The following FOXK1 variants were observed in gnomAD, a reference collection of about 807,000 sequenced individuals.
FOXK1 encodes forkhead box protein K1.
Under a neutral mutation model 51.9 loss-of-function variants are expected in FOXK1, and 19 were observed. That is an observed-to-expected ratio of 0.37 (90% CI 0.26 to 0.54). FOXK1 has a LOEUF of 0.54. Ranked by LOEUF, FOXK1 falls within the 20% of genes least tolerant of loss-of-function variation. The pLI, the probability that FOXK1 is intolerant of heterozygous loss-of-function variation, is 0.87. For synonymous variants in FOXK1, 537 were observed against 482.6 expected (o/e 1.11, Z -1.48); for missense variants, 870 against 1,032.7 (o/e 0.84, Z 2.16).
Position 4,706,015 on chromosome 7 carries a change from TATATATACGTGTATATACGTGTATATAC to T in FOXK1, c.560+23148_560+23175del, listed in dbSNP as rs1295029283. Among the ~76,000 whole-genome samples, 358 of 98,794 alleles carry T rather than the reference TATATATACGTGTATATACGTGTATATAC, an allele frequency of 3.6e-3. 37 individuals carry two copies. Among genetic ancestry groups the T allele is most frequent in the African/African-American group, 0.031 (345 of 11,140 alleles). 64.8% of individuals were successfully genotyped at this position (98,794 alleles called of 152,430 possible). ...ATACGTATATATACGTATATATACG[TATATATACGTGTATATACGTGTATATAC>T]GTGTATATATGTATATATATGTGTA... On this transcript the variant is annotated intron_variant, in intron 1 of 8. Transcript: ENST00000328914.
At chr7:4,694,074 C>A (rs1416016198) in intron 1 of FOXK1, among the ~76,000 whole-genome samples, 1 of 150,028 alleles carries the variant, frequency 6.7e-6, no homozygotes, top group Non-Finnish European at 1.5e-5. Flanking sequence ...TTTATAGAGA[C>A]CAGTGTCTCA....
At chr7:4,759,783 T>A in intron 7 of FOXK1, 188 bp downstream of exon 7, 2 of 751,668 alleles carry the variant, frequency 2.7e-6, no homozygotes, top group Non-Finnish European at 4.2e-6. Flanking sequence ...ATAATCCCAG[T>A]GCTTTGGGAG....
At position 4,759,543 on chromosome 7, in the gene FOXK1, C is replaced by T. The variant is rs1441844511; in HGVS notation, c.1644C>T (p.Gly548=). ...YILTSQGAAG[G]SHDAAGAAVL... ...TCACCAGCCAGGGCGCGGCGGGGGGCTCCCATGATGCGGCGGGCGCAGCCG... is the reference window on the plus strand; with the variant it reads ...TCACCAGCCAGGGCGCGGCGGGGGGTTCCCATGATGCGGCGGGCGCAGCCG... The change falls in exon 7 of 9, where the codon GGC becomes GGT. Residue 548 remains glycine, a synonymous_variant. Coordinates refer to ENST00000328914, the MANE Select transcript of FOXK1 (RefSeq NM_001037165.2). 3 of 1,555,304 alleles carry T rather than the reference C, an allele frequency of 1.9e-6. No homozygotes were observed. Among genetic ancestry groups the T allele is most frequent in the East Asian group, 4.7e-5 (2 of 42,268 alleles).
intron 1 of FOXK1, among the ~76,000 whole-genome samples, chr7:4,690,278 G>A (rs529483518): frequency 7.9e-5 from 12 of 152,236 alleles, no homozygotes; most frequent in South Asian, 6.2e-4. Flanking sequence ...AGGGGGAGCC[G>A]CTTCGCGGAA....
At chr7:4,684,469 A>G (rs539248260) in intron 1 of FOXK1, among the ~76,000 whole-genome samples, 46 of 152,356 alleles carry the variant, frequency 3.0e-4, no homozygotes, top group Admixed American at 3.3e-4. Context: ...GAGGGGAAGT[A>G]TACCTTTTTC....
At chr7:4,688,527 C>A (rs929976268) in intron 1 of FOXK1, among the ~76,000 whole-genome samples, 3 of 152,024 alleles carry the variant, frequency 2.0e-5, no homozygotes, top group Non-Finnish European at 4.4e-5. Flanking sequence ...TCCCAAGTAG[C>A]TGGGATTACA....
rs1454532234 is a variant in FOXK1, at chr7:4,747,292, G to A, written c.746+6269G>A. Reference sequence around the variant, plus strand: ...CCGGGTTCCATGAGCCTCAGGGGAAGCAGGAGGCGCCTGCAGACACGGAGC... The same window carrying A: ...CCGGGTTCCATGAGCCTCAGGGGAAACAGGAGGCGCCTGCAGACACGGAGC... On this transcript the variant is annotated intron_variant, in intron 2 of 8. Coordinates refer to ENST00000328914, the MANE Select transcript of FOXK1 (RefSeq NM_001037165.2). This position sits in a 1 kb window ranked among gnomAD's most constrained non-coding sequence, Gnocchi z 9.2. Among the ~76,000 whole-genome samples the A allele has an allele frequency of 6.6e-6, 1 of 152,116 alleles. No individual in the cohort carries two copies. The highest frequency in any genetic ancestry group is 2.4e-5 in the African/African-American group (1 of 41,438).
At chr7:4,728,456 T>C (rs1780408519) in intron 1 of FOXK1, among the ~76,000 whole-genome samples, 1 of 152,184 alleles carries the variant, frequency 6.6e-6, no homozygotes, top group Non-Finnish European at 1.5e-5. Flanking sequence ...AGACTCCACA[T>C]TCCTGAGAGA....
chr7:4,713,500 G>T (rs866619948), intron 1 of FOXK1, among the ~76,000 whole-genome samples: 186 of 141,742 alleles, frequency 1.3e-3, no homozygotes, highest in Non-Finnish European at 1.8e-3. Flanking sequence ...TTTTTTTTTT[G>T]TTTTTTTTTT....
chr7:4,709,983 A>G lies in FOXK1; in HGVS notation c.560+27115A>G, dbSNP rs111302271. ...GCGTGAAGGGGTAGAAGAACAGGCA[A>G]AATCCATGATTTTTAAACGTTAAAT... On this transcript the variant is annotated intron_variant, in intron 1 of 8. Coordinates refer to ENST00000328914, the MANE Select transcript of FOXK1 (RefSeq NM_001037165.2). This position sits in a 1 kb window ranked among gnomAD's most constrained non-coding sequence, Gnocchi z 5.6. Among the ~76,000 whole-genome samples, 21 of 152,362 alleles carry G rather than the reference A, an allele frequency of 1.4e-4. 1 individual carries two copies. Among genetic ancestry groups the G allele is most frequent in the African/African-American group, 4.6e-4 (19 of 41,582 alleles).
Position 4,761,059 on chromosome 7 carries a change from C to T in FOXK1, c.1697-5C>T, listed in dbSNP as rs374172002. 5.0e-6 allele frequency: 8 copies of T among 1,608,744 alleles called. No individual in the cohort carries two copies. Among genetic ancestry groups the T allele is most frequent in the African/African-American group, 4.0e-5 (3 of 74,938 alleles). ...TGTGGTGCTGACTTGGTTCCTGTCC[C>T]GCAGGCCTGGAGGAGAAACCCACCA... On this transcript the variant is annotated splice_region_variant and splice_polypyrimidine_tract_variant and intron_variant, in intron 7 of 8. Transcript: ENST00000328914. The surrounding 1 kb of genome is among the most constrained non-coding windows in gnomAD (Gnocchi z 6.2).
Position 4,764,686 on chromosome 7 carries a change from G to A in FOXK1, c.*2222G>A, listed in dbSNP as rs1780986459. On this transcript the variant is annotated 3_prime_UTR_variant, in exon 9 of 9. Coordinates refer to ENST00000328914, the MANE Select transcript of FOXK1 (RefSeq NM_001037165.2). ...TACCTGCTGCTGCTCTCTCCCGCGT[G>A]GTGACTATATGTCCTCAGGGCTGCC... is the stretch of plus-strand genomic sequence containing the variant. The A allele has an allele frequency of 6.6e-6, 1 of 152,470 alleles. No individual in the cohort carries two copies. Among genetic ancestry groups the A allele is most frequent in the Non-Finnish European group, 1.5e-5 (1 of 68,246 alleles). 9.4% of individuals were successfully genotyped at this position (152,470 alleles called of 1,614,324 possible).
intron 1 of FOXK1, among the ~76,000 whole-genome samples, chr7:4,739,106 C>T (rs1562384655): frequency 2.0e-5 from 3 of 152,288 alleles, no homozygotes; most frequent in East Asian, 1.9e-4. Flanking sequence ...CAGGATTTTA[C>T]GTAGATTGAC....
rs1779780002 is a variant in FOXK1 at position 4,683,473 on chromosome 7, C to T, written c.560+605C>T. On this transcript the variant is annotated intron_variant, in intron 1 of 8. Transcript: ENST00000328914. This position sits in a 1 kb window ranked among gnomAD's most constrained non-coding sequence, Gnocchi z 4.5. Reference sequence around the variant, plus strand: ...CGCTAACCCCACAAGCCTGGGCTCGCAGGGCCACTCCCACCCCAGCTCCAC... The same window carrying T: ...CGCTAACCCCACAAGCCTGGGCTCGTAGGGCCACTCCCACCCCAGCTCCAC... Among the ~76,000 whole-genome samples, 2 of 151,880 alleles carry T rather than the reference C, an allele frequency of 1.3e-5. No homozygotes were observed. Among genetic ancestry groups the T allele is most frequent in the South Asian group, 2.1e-4 (1 of 4,816 alleles).
intron 1 of FOXK1, among the ~76,000 whole-genome samples, chr7:4,718,370 A>G (rs573269204): frequency 6.6e-6 from 1 of 152,320 alleles, no homozygotes; most frequent in East Asian, 1.9e-4. Context: ...CGTTATGAGA[A>G]GGTTTCAGAA....
intron 1 of FOXK1, among the ~76,000 whole-genome samples, chr7:4,685,372 G>A (rs1779806281): frequency 6.6e-6 from 1 of 151,628 alleles, no homozygotes; most frequent in Admixed American, 6.6e-5. Flanking sequence ...ACAACACCAC[G>A]CCCAGCTAAT....
Position 4,724,079 on chromosome 7 carries a change from C to G in FOXK1, c.561-16759C>G, listed in dbSNP as rs57433656. On this transcript the variant is annotated intron_variant, in intron 1 of 8. Transcript: ENST00000328914. ...TTGTGTGAGTGAACATGGTAATGAC[C>G]TTGCCATAGCAGCTCTTGGTGCTCT... Among the ~76,000 whole-genome samples, 450 of 152,322 alleles carry G rather than the reference C, an allele frequency of 3.0e-3. 1 individual carries two copies. The highest frequency in any genetic ancestry group is 8.2e-3 in the African/African-American group (340 of 41,562).
intron 1 of FOXK1, among the ~76,000 whole-genome samples, chr7:4,698,830 A>G (rs569721952): frequency 6.6e-6 from 1 of 152,300 alleles, no homozygotes; most frequent in East Asian, 1.9e-4. Flanking sequence ...CTGGAACTAT[A>G]GGCCTGCGTT....
rs1026398141 is a variant in FOXK1, at chr7:4,751,878, G to A, written c.747-2581G>A. ...CTCTCGCCTGTGGGAGCCAGGCTTCGCCAACCTTTCTTATTTCCACTTGAA... is the reference window on the plus strand; with the variant it reads ...CTCTCGCCTGTGGGAGCCAGGCTTCACCAACCTTTCTTATTTCCACTTGAA... On this transcript the variant is annotated intron_variant, in intron 2 of 8. Coordinates refer to ENST00000328914, the MANE Select transcript of FOXK1 (RefSeq NM_001037165.2). Among the ~76,000 whole-genome samples, 5 of 152,232 alleles carry A rather than the reference G, an allele frequency of 3.3e-5. No individual in the cohort carries two copies. The East Asian group carries it at 9.6e-4, about 29-fold the overall frequency.
Sources: gnomAD v4.1 joint callset for allele counts (sites outside exome capture counted in the v4.1 genomes callset) on GRCh38, gnomAD v4.1.1 for gene constraint, Gnocchi (gnomAD v3.1) non-coding constraint, MANE v1.5 for transcripts, NCBI Gene and HGNC (gene_info 2026-07-23, HGNC 2026-07-21) for gene names.